The following PLD1 variants were observed in gnomAD, a reference collection of about 807,000 sequenced individuals.
The protein encoded by PLD1 is choline phosphatase 1.
PLD1 carries 112 observed loss-of-function variants against 137.1 expected under a neutral mutation model. That is an observed-to-expected ratio of 0.82 (90% CI 0.70 to 0.96). The LOEUF is 0.96. Ranked by LOEUF, PLD1 falls within the 40% of genes least tolerant of loss-of-function variation. The probability of loss-of-function intolerance (pLI) is 0.00; values close to 1 mark genes in which losing one functional copy is unlikely to be tolerated. For missense variants in PLD1, 1,321 were observed against 1,342.0 expected, an observed-to-expected ratio of 0.98 and a Z score of 0.24; for synonymous variants, 431 against 454.7, an observed-to-expected ratio of 0.95 and a Z score of 0.66.
At chr3:171,695,900 A>G (rs1328752469) in intron 12 of PLD1, among the ~76,000 whole-genome samples, 1 of 152,228 alleles carries the variant, frequency 6.6e-6, no homozygotes, top group Non-Finnish European at 1.5e-5. Context: ...TAAGAGCACA[A>G]AAGCTCATGT....
chr3:171,620,935 G>A (rs1371510943), intron 23 of PLD1, among the ~76,000 whole-genome samples: 1 of 151,908 alleles, frequency 6.6e-6, no homozygotes, highest in Non-Finnish European at 1.5e-5. Context: ...ACTTCAGTGT[G>A]ACATTTGCTT....
chr3:171,665,947 A>G (rs569181431), intron 19 of PLD1, among the ~76,000 whole-genome samples: 2 of 152,356 alleles, frequency 1.3e-5, no homozygotes, highest in African/African-American at 4.8e-5. Context: ...CTTTCAAGCA[A>G]CACATGAAGA....
intron 16 of PLD1, among the ~76,000 whole-genome samples, chr3:171,678,050 G>T (rs1713571560): frequency 6.6e-6 from 1 of 152,146 alleles, no homozygotes; most frequent in Non-Finnish European, 1.5e-5. Context: ...CAGTAAAGCT[G>T]GTGGGGGGCT....
At chr3:171,809,017 G>T (rs1431322354) in intron 1 of PLD1, among the ~76,000 whole-genome samples, 1 of 151,478 alleles carries the variant, frequency 6.6e-6, no homozygotes, top group Non-Finnish European at 1.5e-5. Flanking sequence ...TAGAGGCGGG[G>T]TTTCACCATG....
chr3:171,701,864 ATAACTG>A (rs1338526422), intron 11 of PLD1, among the ~76,000 whole-genome samples: 1 of 152,218 alleles, frequency 6.6e-6, no homozygotes, highest in African/African-American at 2.4e-5. Flanking sequence ...CATGACAACT[ATAACTG>A]TAAGAGCATA....
chr3:171,790,830 T>C (rs1723185200), intron 1 of PLD1, among the ~76,000 whole-genome samples: 1 of 152,206 alleles, frequency 6.6e-6, no homozygotes, highest in Non-Finnish European at 1.5e-5. Context: ...TTCTGGACTG[T>C]TTATACATGA....
intron 16 of PLD1, among the ~76,000 whole-genome samples, chr3:171,678,536 G>T (rs990362479): frequency 6.6e-6 from 1 of 152,034 alleles, no homozygotes; most frequent in Non-Finnish European, 1.5e-5. Context: ...AATCACAAAC[G>T]CAGCACTTGG....
intron 1 of PLD1, among the ~76,000 whole-genome samples, chr3:171,742,541 T>C (rs1719856882): frequency 6.6e-6 from 1 of 152,194 alleles, no homozygotes; most frequent in South Asian, 2.1e-4. Context: ...ATAAATGCAA[T>C]GGATTCCTAA....
At chr3:171,785,984 G>C (rs1722999786) in intron 1 of PLD1, among the ~76,000 whole-genome samples, 1 of 152,164 alleles carries the variant, frequency 6.6e-6, no homozygotes, top group African/African-American at 2.4e-5. Context: ...CACACAGGAG[G>C]GGTTCAATAA....
intron 8 of PLD1, among the ~76,000 whole-genome samples, chr3:171,721,021 A>C (rs370144951): frequency 6.6e-6 from 1 of 152,296 alleles, no homozygotes; most frequent in Non-Finnish European, 1.5e-5. Context: ...CGCTACCTGA[A>C]TTTATACAAT....
Position 171,612,197 on chromosome 3 carries a change from A to G in PLD1, c.2882+82T>C, listed in dbSNP as rs1412663933. 3.1e-6 allele frequency: 4 copies of G among 1,285,690 alleles called. No individual in the cohort carries two copies. Among genetic ancestry groups the G allele is most frequent in the Non-Finnish European group, 3.3e-6 (3 of 899,704 alleles). The allele number at this position is 1,285,690 out of a possible 1,614,324, so 79.6% of individuals were successfully genotyped here. On this transcript the variant is annotated intron_variant, in intron 25 of 26. Coordinates refer to ENST00000351298, the MANE Select transcript of PLD1 (RefSeq NM_002662.5). The surrounding 1 kb of genome is among the most constrained non-coding windows in gnomAD (Gnocchi z 4.1). ...GATGAAGAAGAACCTAGGATGACCC[A>G]TGTGCTCAGGGCTAGCGGGGCTGGG...
At chr3:171,657,393 T>C (rs1360118760) in intron 21 of PLD1, among the ~76,000 whole-genome samples, 3 of 152,332 alleles carry the variant, frequency 2.0e-5, no homozygotes, top group African/African-American at 7.2e-5. Context: ...CCCAAATGCA[T>C]ATGCACTTAT....
At position 171,735,112 on chromosome 3, in the gene PLD1, T is replaced by C. The variant is rs562034022; in HGVS notation, c.435-142A>G. ...CCAACAATAGACTAGTTAGCCGATA[T>C]TGTGAATTAAATACACTTTTTATTT... On this transcript the variant is annotated intron_variant, in intron 4 of 26. Coordinates refer to ENST00000351298, the MANE Select transcript of PLD1 (RefSeq NM_002662.5). The C allele has an allele frequency of 5.8e-4, 349 of 602,678 alleles. 6 individuals are homozygous for C. In the South Asian group the frequency reaches 6.9e-3, roughly 12 times the overall value. The allele number at this position is 602,678 out of a possible 1,614,324, so 37.3% of individuals were successfully genotyped here.
chr3:171,657,472 C>T (rs1257451231), intron 21 of PLD1, among the ~76,000 whole-genome samples: 1 of 152,184 alleles, frequency 6.6e-6, no homozygotes, highest in East Asian at 1.9e-4. Context: ...GTTTGTTCTG[C>T]TACTTTTAAA....
chr3:171,751,260 G>A (rs1446423521), intron 1 of PLD1, among the ~76,000 whole-genome samples: 1 of 152,058 alleles, frequency 6.6e-6, no homozygotes, highest in Non-Finnish European at 1.5e-5. Flanking sequence ...ATAGAAGAAT[G>A]TTCTTAAGAC....
rs1737071570 is a variant in PLD1, at chr3:171,654,990, T to G, written c.2429+4223A>C. On this transcript the variant is annotated intron_variant, in intron 21 of 26. Coordinates refer to ENST00000351298, the MANE Select transcript of PLD1 (RefSeq NM_002662.5). ...TTGCTTAGGGGAATTGTTGTGAGGC[T>G]GGATTCCAACGCTGGCAGAAAAATA... Among the ~76,000 whole-genome samples the G allele has an allele frequency of 3.3e-5, 5 of 152,108 alleles. No homozygotes were observed. The South Asian group carries it at 1.0e-3, about 32-fold the overall frequency.
chr3:171,776,649 C>A (rs967676415), intron 1 of PLD1, among the ~76,000 whole-genome samples: 4 of 152,194 alleles, frequency 2.6e-5, no homozygotes, highest in African/African-American at 7.2e-5. Flanking sequence ...GCGGTAATGA[C>A]AACGGCACCT....
intron 1 of PLD1, among the ~76,000 whole-genome samples, chr3:171,799,963 A>G (rs1280972475): frequency 1.3e-5 from 2 of 152,202 alleles, no homozygotes; most frequent in African/African-American, 2.4e-5. Flanking sequence ...AGGAGACACA[A>G]CTATGAAATG....
At position 171,761,760 on chromosome 3, in the gene PLD1, C is replaced by T. The variant is rs185296120; in HGVS notation, c.-31-23678G>A. On this transcript the variant is annotated intron_variant, in intron 1 of 26. Transcript: ENST00000351298. Reference sequence around the variant, plus strand: ...TTCTGTGAAGAATGTTCCAGTTGGGCCTATAATTAATCCATTTAAGATGTG... The same window carrying T: ...TTCTGTGAAGAATGTTCCAGTTGGGTCTATAATTAATCCATTTAAGATGTG... Among the ~76,000 whole-genome samples the T allele has an allele frequency of 1.7e-3, 265 of 152,272 alleles. 1 individual carries two copies. Among genetic ancestry groups the T allele is most frequent in the African/African-American group, 6.2e-3 (256 of 41,544 alleles).
Sources: allele counts gnomAD v4.1 joint callset (sites outside exome capture counted in the v4.1 genomes callset), GRCh38; gene constraint gnomAD v4.1.1; non-coding constraint Gnocchi (gnomAD v3.1); transcripts MANE v1.5; gene names NCBI Gene and HGNC (gene_info 2026-07-23, HGNC 2026-07-21).